CCDC187: variants seen among roughly 807,000 people sequenced by gnomAD.
The protein encoded by CCDC187 is coiled-coil domain-containing protein 187.
CCDC187 carries 32 observed loss-of-function variants against 38.0 expected under a neutral mutation model. The ratio of observed to expected loss-of-function variants is 0.84; its 90% CI spans 0.64 to 1.13. The LOEUF (loss-of-function observed/expected upper bound fraction) is 1.13. Ranked by LOEUF, CCDC187 falls within the 50% of genes most tolerant of loss-of-function variation. The pLI is 0.00. For missense variants in CCDC187, 707 were observed against 786.8 expected (o/e 0.90, Z 1.21); for synonymous variants, 333 against 347.9 (o/e 0.96, Z 0.48).
In CCDC187 at chr9:136,250,435, A is replaced by C. The variant is rs547887242; in HGVS notation, c.*3159T>G. The C allele has an allele frequency of 9.2e-5, 27 of 295,024 alleles. No homozygotes were observed. Among genetic ancestry groups the C allele is most frequent in the African/African-American group, 5.7e-4 (26 of 45,524 alleles). The allele number at this position is 295,024 out of a possible 1,614,324, so 18.3% of individuals were successfully genotyped here. A position where few individuals can be genotyped will look rare whatever the true frequency, so the allele number is the denominator to read the frequency against. ...CCTGGGAGCCATCAGATTCGCTGCAAATCTGCGGGGCTTCAGTGGTGGAGA... is the reference window on the plus strand; with the variant it reads ...CCTGGGAGCCATCAGATTCGCTGCACATCTGCGGGGCTTCAGTGGTGGAGA... On this transcript the variant is annotated 3_prime_UTR_variant, in exon 26 of 26. Transcript: ENST00000638797.
rs984036959 is a variant in CCDC187, at chr9:136,292,171, G to A, written c.957C>T (p.Thr319=). Residue 319 remains threonine (T), a synonymous_variant, in exon 5 of 26, where the codon ACC becomes ACT. Transcript: ENST00000638797. ...SKDPSRDPAL[T]VDLGDSEKVI... ...CAGAGGCACAGGTACCTAAGTCCAC[G>A]GTGAGAGCCGGGTCTCTCGAGGGAT... The A allele has an allele frequency of 2.8e-5, 11 of 398,644 alleles. No individual in the cohort carries two copies. The highest frequency in any genetic ancestry group is 6.2e-4 in the Middle Eastern group (1 of 1,612). The allele number at this position is 398,644 out of a possible 1,614,324, so 24.7% of individuals were successfully genotyped here. A position where few individuals can be genotyped will look rare whatever the true frequency, so the allele number is the denominator to read the frequency against.
At chr9:136,274,090 C>T (rs550414142) in intron 14 of CCDC187, among the ~76,000 whole-genome samples, 1 of 152,156 alleles carries the variant, frequency 6.6e-6, no homozygotes, top group Admixed American at 6.5e-5. Context: ...TGGAGGTGGG[C>T]GTATCAACGG....
At chr9:136,275,235 G>A (rs1264572716) in intron 12 of CCDC187, among the ~76,000 whole-genome samples, 2 of 152,194 alleles carry the variant, frequency 1.3e-5, no homozygotes, top group Non-Finnish European at 2.9e-5. Context: ...TGCCCCGCCA[G>A]GGCTGGAGGG....
chr9:136,294,055 CAT>C (rs1383168070), intron 4 of CCDC187, among the ~76,000 whole-genome samples: 41 of 150,674 alleles, frequency 2.7e-4, no homozygotes, highest in African/African-American at 9.3e-4. Flanking sequence ...CACGCCCTCA[CAT>C]GTGCTCTCAC....
chr9:136,283,163 C>T (rs1052176085), intron 9 of CCDC187, among the ~76,000 whole-genome samples: 17 of 152,280 alleles, frequency 1.1e-4, no homozygotes, highest in African/African-American at 3.1e-4. Flanking sequence ...GCGGGAGAAT[C>T]GCTTGAACTT....
At position 136,281,028 on chromosome 9, in the gene CCDC187, C is replaced by A. The variant is rs915552226; in HGVS notation, c.3040+523G>T. The stretch of plus-strand genomic sequence containing the variant: ...GGGGTCCCCCACTTCTGAGTCCACA[C>A]TCAGTTCCCATGGCTGCACCAGCCC... On this transcript the variant is annotated intron_variant, in intron 10 of 25. Transcript: ENST00000638797. The A allele has an allele frequency of 8.4e-5, 17 of 202,586 alleles. No homozygotes were observed. In the East Asian group the frequency reaches 1.8e-3, roughly 22 times the overall value. The allele number at this position is 202,586 out of a possible 1,614,324, so 12.5% of individuals were successfully genotyped here.
At chr9:136,285,345 C>T (rs1027349333) in intron 9 of CCDC187, among the ~76,000 whole-genome samples, 168 bp downstream of exon 9, 2 of 152,124 alleles carry the variant, frequency 1.3e-5, no homozygotes, top group African/African-American at 4.8e-5. Context: ...CCACCTGCTC[C>T]GGGTCCCTGG....
chr9:136,295,578 T>C (rs993625099), intron 4 of CCDC187, among the ~76,000 whole-genome samples: 4 of 152,244 alleles, frequency 2.6e-5, no homozygotes, highest in Non-Finnish European at 5.9e-5. Context: ...GAATATTTTA[T>C]AACTATTGTG....
chr9:136,306,054 C>T (rs1347823856), upstream of CCDC187, among the ~76,000 whole-genome samples: 2 of 152,252 alleles, frequency 1.3e-5, no homozygotes, highest in African/African-American at 2.4e-5. Context: ...AGGAGACTCA[C>T]GCCTGCTGGG....
At chr9:136,284,202 G>A (rs879221392) in intron 9 of CCDC187, among the ~76,000 whole-genome samples, 95,153 of 151,602 alleles carry the variant, frequency 0.63, 30,111 homozygotes, top group East Asian at 0.77. Flanking sequence ...GTGGACTCTG[G>A]GCAACAGCCC....
In CCDC187 at chr9:136,254,217, C is replaced by G; in HGVS notation, c.5611G>C (p.Gly1871Arg). 1 of 985,482 alleles carries G rather than the reference C, an allele frequency of 1.0e-6. No individual in the cohort carries two copies. Among genetic ancestry groups the G allele is most frequent in the Non-Finnish European group, 1.2e-6 (1 of 830,000 alleles). The allele number at this position is 985,482 out of a possible 1,614,324, so 61.0% of individuals were successfully genotyped here. Residue 1871 changes from glycine (G) to arginine (R), a missense_variant, in exon 26 of 26, where the codon GGT (glycine) becomes CGT (arginine). By Grantham distance (125) the Gly-to-Arg change is moderately radical. Transcript: ENST00000638797. ...EALQAPPEAA[G>R]VVFPLQISSA... ...GAGATTTGCAGCGGGAACACCACACCGGCGGCCTCAGGGGGTGCCTGGAGG... is the reference window on the plus strand; with the variant it reads ...GAGATTTGCAGCGGGAACACCACACGGGCGGCCTCAGGGGGTGCCTGGAGG...
Position 136,259,363 on chromosome 9 carries a change from G to T in CCDC187, c.4296C>A (p.Pro1432=). ...PDGQRLGPAF[P]AEEAEGRLPT... ...AAGGGCTTCCAGGGAGAGTGCGTAC[G>T]GGAAAGGCTGGGCCCAGCCGCTGTC... Residue 1432 remains proline (P), a splice_region_variant and synonymous_variant, in exon 21 of 26, where the codon CCC becomes CCA. Coordinates refer to ENST00000638797, the MANE Select transcript of CCDC187 (RefSeq NM_001378188.1). 1.0e-6 allele frequency: 1 copy of T among 983,604 alleles called. No homozygotes were observed. The allele number at this position is 983,604 out of a possible 1,614,324, so 60.9% of individuals were successfully genotyped here. A position where few individuals can be genotyped will look rare whatever the true frequency, so the allele number is the denominator to read the frequency against.
intron 1 of CCDC187, 146 bp from the exon 2 acceptor site, chr9:136,303,439 G>C (rs1039837019): frequency 8.6e-6 from 3 of 350,754 alleles, no homozygotes; most frequent in Admixed American, 4.7e-5. Flanking sequence ...CCCACCTGGA[G>C]GACAGCCCCG....
At chr9:136,294,721 C>A (rs1831492541) in intron 4 of CCDC187, among the ~76,000 whole-genome samples, 2 of 152,346 alleles carry the variant, frequency 1.3e-5, no homozygotes, top group South Asian at 4.1e-4. Flanking sequence ...TGGTTGCACC[C>A]ACCAGGCCAT....
chr9:136,290,555 C>T lies in CCDC187; in HGVS notation c.2058G>A (p.Arg686=), dbSNP rs1303416462. The change falls in exon 6 of 26, where the codon AGG becomes AGA. Residue 686 remains arginine (R), a synonymous_variant. Coordinates refer to ENST00000638797, the MANE Select transcript of CCDC187 (RefSeq NM_001378188.1). ...YRQQREAVLG[R]AVPVVSRTTP... ...TGGTCCGGGAGACCACGGGGACCGC[C>T]CTGCCGAGGACGGCCTCCCTCTGCT... 3.5e-5 allele frequency: 14 copies of T among 399,084 alleles called. No individual in the cohort carries two copies. In the East Asian group the frequency reaches 5.0e-4, roughly 14 times the overall value. 24.7% of individuals were successfully genotyped at this position (399,084 alleles called of 1,614,324 possible).
chr9:136,259,412 A>C lies in CCDC187; in HGVS notation c.4247T>G (p.Leu1416Arg). 1 of 985,544 alleles carries C rather than the reference A, an allele frequency of 1.0e-6. No homozygotes were observed. Among genetic ancestry groups the C allele is most frequent in the Non-Finnish European group, 1.2e-6 (1 of 830,106 alleles). 61.0% of individuals were successfully genotyped at this position (985,544 alleles called of 1,614,324 possible). Residue 1416 changes from leucine to arginine, a missense_variant, in exon 21 of 26, where the codon CTG (leucine) becomes CGG (arginine). By Grantham distance (102) the Leu-to-Arg change is moderately radical. Transcript: ENST00000638797. ...GEQPRAPLLG[L>R]QHVSPPDGQR... ...TCCGTCCGGGGGGCTCACGTGCTGC[A>C]GGCCCAGCAGAGGGGCCCGAGGCTG...
rs1283564953 is a variant in CCDC187 at position 136,258,544 on chromosome 9, G to C, written c.4366+388C>G. ...GCAAATTGGGGACTTGGCTCTCGGGGGGGGCCCCGGCCAAGTGTAAGGTTC... is the reference window on the plus strand; with the variant it reads ...GCAAATTGGGGACTTGGCTCTCGGGCGGGGCCCCGGCCAAGTGTAAGGTTC... On this transcript the variant is annotated intron_variant, in intron 22 of 25. Transcript: ENST00000638797. This position sits in a 1 kb window ranked among gnomAD's most constrained non-coding sequence, Gnocchi z 4.3. Among the ~76,000 whole-genome samples the C allele has an allele frequency of 5.3e-5, 8 of 152,234 alleles. No individual in the cohort carries two copies. Among genetic ancestry groups the C allele is most frequent in the Non-Finnish European group, 1.2e-4 (8 of 68,050 alleles).
intron 7 of CCDC187, among the ~76,000 whole-genome samples, chr9:136,288,842 G>A (rs992363915): frequency 9.2e-5 from 14 of 152,236 alleles, no homozygotes; most frequent in African/African-American, 3.1e-4. Context: ...CACGCCGGCC[G>A]GGGGATGGGA....
At chr9:136,274,394 T>C (rs1163161423) in intron 14 of CCDC187, among the ~76,000 whole-genome samples, 1 of 152,184 alleles carries the variant, frequency 6.6e-6, no homozygotes, top group Non-Finnish European at 1.5e-5. Flanking sequence ...TGGGTGGAGA[T>C]GGTGTCTGCC....
Sources: gnomAD v4.1 joint callset for allele counts (sites outside exome capture counted in the v4.1 genomes callset) on GRCh38, gnomAD v4.1.1 for gene constraint, Gnocchi (gnomAD v3.1) non-coding constraint, MANE v1.5 for transcripts, NCBI Gene and HGNC (gene_info 2026-07-23, HGNC 2026-07-21) for gene names.